The following COL24A1 variants were observed in gnomAD, a reference collection of about 807,000 sequenced individuals.
COL24A1 encodes collagen type XXIV alpha 1 chain.
A neutral mutation model predicts 253.9 loss-of-function variants in COL24A1; 224 were observed. The ratio of observed to expected loss-of-function variants is 0.88; its 90% CI spans 0.79 to 0.99. The LOEUF (loss-of-function observed/expected upper bound fraction) is 0.99. Among genes scored for constraint, COL24A1 ranks in the 50% least tolerant of loss-of-function variants. COL24A1 has a pLI of 0.00. For synonymous variants in COL24A1, 685 were observed against 673.7 expected, an observed-to-expected ratio of 1.02 and a Z score of -0.26; for missense variants, 2,131 against 2,068.5, an observed-to-expected ratio of 1.03 and a Z score of -0.59.
rs1443056618 is a variant in COL24A1, at chr1:85,918,252, G to T, written c.2563-6819C>A. ...GCTGTTAACTTTTCTATCTAGAAAAGTTTCTTTAATCCATCTGGAGTTCAA... is the reference window on the plus strand; with the variant it reads ...GCTGTTAACTTTTCTATCTAGAAAATTTTCTTTAATCCATCTGGAGTTCAA... On this transcript the variant is annotated intron_variant, in intron 24 of 59. Coordinates refer to ENST00000370571, the MANE Select transcript of COL24A1 (RefSeq NM_152890.7). Among the ~76,000 whole-genome samples, 4 of 151,688 alleles carry T rather than the reference G, an allele frequency of 2.6e-5. No homozygotes were observed. The South Asian group carries it at 8.4e-4, about 32-fold the overall frequency.
chr1:86,029,930 G>A (rs1431295665), intron 14 of COL24A1: 1 of 152,128 alleles, frequency 6.6e-6, no homozygotes, highest in African/African-American at 2.4e-5. Context: ...GGCGAAGGCT[G>A]AGTGTACCAG....
chr1:85,883,233 T>G (rs1196680661), intron 32 of COL24A1, among the ~76,000 whole-genome samples: 3 of 152,154 alleles, frequency 2.0e-5, no homozygotes, highest in Non-Finnish European at 2.9e-5. Flanking sequence ...GTCTATTTCT[T>G]TTTTGAGATA....
rs116582733 is a variant in COL24A1 at position 85,946,156 on chromosome 1, C to A, written c.2562+15093G>T. 4.6e-3 allele frequency among the ~76,000 whole-genome samples: 698 copies of A among 152,286 alleles called. 2 individuals carry two copies. The highest frequency in any genetic ancestry group is 8.1e-3 in the South Asian group (39 of 4,824). ...AGCCAGAGGGTAGCTATGTGATCAA[C>A]CCCCAGTAAAAATCATGAATACTGA... On this transcript the variant is annotated intron_variant, in intron 24 of 59. Coordinates refer to ENST00000370571, the MANE Select transcript of COL24A1 (RefSeq NM_152890.7).
chr1:86,076,038 G>C (rs1007278396), intron 7 of COL24A1, among the ~76,000 whole-genome samples: 1 of 152,166 alleles, frequency 6.6e-6, no homozygotes, highest in Non-Finnish European at 1.5e-5. Context: ...TAGAAGTTCT[G>C]ACCAGGGAAA....
At chr1:85,832,876 G>A (rs1675501513) in intron 43 of COL24A1, among the ~76,000 whole-genome samples, 1 of 150,612 alleles carries the variant, frequency 6.6e-6, no homozygotes, top group Admixed American at 6.6e-5. Flanking sequence ...CTGCAAACAG[G>A]GACAATTTGA....
intron 22 of COL24A1, among the ~76,000 whole-genome samples, chr1:85,969,165 A>G (rs1452318349): frequency 1.3e-5 from 2 of 152,176 alleles, no homozygotes; most frequent in African/African-American, 4.8e-5. Context: ...GGGCTCAAAT[A>G]CCAGTTTTTC....
chr1:86,101,570 A>T lies in COL24A1; in HGVS notation c.1600-9250T>A, dbSNP rs2390015. Reference sequence around the variant, plus strand: ...TTTTGAAGTATGTTTCTTCAATGCCAGGTTTATTGAGAGTTTTTAACATGA... The same window carrying T: ...TTTTGAAGTATGTTTCTTCAATGCCTGGTTTATTGAGAGTTTTTAACATGA... On this transcript the variant is annotated intron_variant, in intron 5 of 59. Transcript: ENST00000370571. 1.5e-4 allele frequency among the ~76,000 whole-genome samples: 23 copies of T among 152,096 alleles called. No individual in the cohort carries two copies. In the South Asian group the frequency reaches 2.7e-3, roughly 18 times the overall value.
At position 85,772,679 on chromosome 1, in the gene COL24A1, G is replaced by T. The variant is rs1336988978; in HGVS notation, c.4374+2995C>A. Reference sequence around the variant, plus strand: ...TGCATAAATGTCTTCTTTTGAGAAGGGTCTGTTCATATCCTTTGCCCATTT... The same window carrying T: ...TGCATAAATGTCTTCTTTTGAGAAGTGTCTGTTCATATCCTTTGCCCATTT... On this transcript the variant is annotated intron_variant, in intron 53 of 59. Coordinates refer to ENST00000370571, the MANE Select transcript of COL24A1 (RefSeq NM_152890.7). Among the ~76,000 whole-genome samples, 9 of 151,962 alleles carry T rather than the reference G, an allele frequency of 5.9e-5. No individual in the cohort carries two copies. The South Asian group carries it at 1.7e-3, about 28-fold the overall frequency.
intron 20 of COL24A1, among the ~76,000 whole-genome samples, chr1:85,987,155 T>C (rs1226502803): frequency 2.0e-5 from 3 of 151,834 alleles, no homozygotes; most frequent in African/African-American, 7.2e-5. Context: ...ATAATTGTGG[T>C]TTCACTTGTA....
chr1:85,796,193 G>T (rs1005773789), intron 47 of COL24A1, among the ~76,000 whole-genome samples: 1 of 152,134 alleles, frequency 6.6e-6, no homozygotes, highest in African/African-American at 2.4e-5. Context: ...AGGTCGTAAG[G>T]TAGTGAAGAC....
At chr1:86,002,609 C>T (rs531377519) in intron 19 of COL24A1, among the ~76,000 whole-genome samples, 131 of 152,276 alleles carry the variant, frequency 8.6e-4, no homozygotes, top group African/African-American at 3.1e-3. Flanking sequence ...CACAGAACAT[C>T]ACCCCAATCC....
Position 86,046,829 on chromosome 1 carries a change from C to T in COL24A1, c.1946G>A (p.Arg649Lys), listed in dbSNP as rs374585874. ...GIRGKKGFKG[R>K]QGFPGDFGDR... The stretch of plus-strand genomic sequence containing the variant: ...AAAAAACACAAATTAAGATACCTGT[C>T]TCCCCTTAAAACCCTTCTTTCCACG... Residue 649 changes from arginine (R) to lysine (K), a missense_variant, in exon 12 of 60, where the codon AGA (arginine) becomes AAA (lysine). Transcript: ENST00000370571. 1.2e-6 allele frequency: 2 copies of T among 1,611,728 alleles called. No homozygotes were observed. Among genetic ancestry groups the T allele is most frequent in the Non-Finnish European group, 8.5e-7 (1 of 1,178,128 alleles).
intron 24 of COL24A1, among the ~76,000 whole-genome samples, chr1:85,922,309 TAC>T (rs1212023841): frequency 6.6e-6 from 1 of 152,026 alleles, no homozygotes; most frequent in Non-Finnish European, 1.5e-5. Flanking sequence ...ATTCAGGAAA[TAC>T]AGAGAATTCC....
At chr1:86,101,494 G>A (rs922784044) in intron 5 of COL24A1, among the ~76,000 whole-genome samples, 1 of 152,110 alleles carries the variant, frequency 6.6e-6, no homozygotes, top group African/African-American at 2.4e-5. Flanking sequence ...TCCAGCTTTT[G>A]CCCATCCAGT....
At chr1:86,138,886 T>C (rs574409549) in intron 2 of COL24A1, among the ~76,000 whole-genome samples, 1 of 152,156 alleles carries the variant, frequency 6.6e-6, no homozygotes, top group East Asian at 1.9e-4. Flanking sequence ...CCCTGCTAAG[T>C]ATATCCCTTC....
At chr1:85,828,672 T>A (rs77376003) in intron 43 of COL24A1, among the ~76,000 whole-genome samples, 82,917 of 102,580 alleles carry the variant, frequency 0.81, 34,524 homozygotes, top group Non-Finnish European at 0.87. Context: ...CTTTACCATT[T>A]TGTAATGGCC....
intron 35 of COL24A1, 80 bp from the exon 36 acceptor site, chr1:85,868,915 A>T: frequency 1.1e-6 from 1 of 941,788 alleles, no homozygotes; most frequent in Non-Finnish European, 1.6e-6. Flanking sequence ...CCCATAGTAT[A>T]TATGGAAAAT....
chr1:85,742,570 C>G (rs1288578585), intron 57 of COL24A1, among the ~76,000 whole-genome samples: 2 of 152,142 alleles, frequency 1.3e-5, no homozygotes, highest in Non-Finnish European at 2.9e-5. Flanking sequence ...CTTGAGTAGT[C>G]AACTACCTAC....
At chr1:85,972,866 G>T (rs565527142) in intron 20 of COL24A1, among the ~76,000 whole-genome samples, 2 of 151,354 alleles carry the variant, frequency 1.3e-5, no homozygotes, top group East Asian at 3.9e-4. Flanking sequence ...CCATCCAGGG[G>T]ACAGCCTGAG....
Sources: gnomAD v4.1 joint callset for allele counts (sites outside exome capture counted in the v4.1 genomes callset) on GRCh38, gnomAD v4.1.1 for gene constraint, MANE v1.5 for transcripts, NCBI Gene and HGNC (gene_info 2026-07-23, HGNC 2026-07-21) for gene names.